PTPRD: variants seen among roughly 807,000 people sequenced by gnomAD.
The protein encoded by PTPRD is protein tyrosine phosphatase receptor type D, also known as receptor-type tyrosine-protein phosphatase delta.
In PTPRD, 34 loss-of-function variants were observed where a neutral mutation model predicts 214.5. The observed-to-expected ratio is 0.16, with a 90% confidence interval of 0.12 to 0.21. PTPRD has a LOEUF of 0.21. Among genes scored for constraint, PTPRD ranks in the 10% least tolerant of loss-of-function variants. PTPRD has a pLI of 1.00. For synonymous variants in PTPRD, 1,128 were observed against 845.7 expected (o/e 1.33, Z -5.79); for missense variants, 2,545 against 2,398.7 (o/e 1.06, Z -1.27).
At chr9:8,858,798 C>CAT (rs751552884) in intron 11 of PTPRD, among the ~76,000 whole-genome samples, 39 of 94,564 alleles carry the variant, frequency 4.1e-4, no homozygotes, top group African/African-American at 1.9e-3. Context: ...AAGGAGGCAA[C>CAT]ACACACACAC....
At chr9:9,485,460 T>C (rs922568382) in intron 8 of PTPRD, among the ~76,000 whole-genome samples, 3 of 152,212 alleles carry the variant, frequency 2.0e-5, no homozygotes. Context: ...CTTTGCTTAG[T>C]GCATAGCTCA....
intron 3 of PTPRD, among the ~76,000 whole-genome samples, chr9:10,097,660 G>C (rs1033340505): frequency 2.6e-5 from 4 of 151,668 alleles, no homozygotes; most frequent in African/African-American, 9.7e-5. Context: ...GGGTTTTCTA[G>C]ATATACAATC....
chr9:8,766,303 A>T (rs956923112), intron 11 of PTPRD, among the ~76,000 whole-genome samples: 2 of 151,864 alleles, frequency 1.3e-5, no homozygotes, highest in African/African-American at 2.4e-5. Context: ...CACATCCTAA[A>T]CATGTGCACT....
At chr9:10,370,639 C>G (rs1396919907) in intron 2 of PTPRD, among the ~76,000 whole-genome samples, 2 of 152,018 alleles carry the variant, frequency 1.3e-5, no homozygotes, top group East Asian at 3.9e-4. Flanking sequence ...GAATATTTTA[C>G]TCATCTAAAT....
At chr9:9,376,808 A>C (rs2060923756) in intron 9 of PTPRD, among the ~76,000 whole-genome samples, 1 of 152,136 alleles carries the variant, frequency 6.6e-6, no homozygotes, top group Non-Finnish European at 1.5e-5. Flanking sequence ...GGCGGGATCC[A>C]ATGAAACACC....
chr9:9,082,109 T>C (rs529481057), intron 10 of PTPRD, among the ~76,000 whole-genome samples: 1 of 152,194 alleles, frequency 6.6e-6, no homozygotes, highest in East Asian at 1.9e-4. Context: ...TAACTCATTT[T>C]ATGAGGCCAG....
intron 3 of PTPRD, among the ~76,000 whole-genome samples, chr9:10,307,159 G>A (rs1408687021): frequency 6.6e-6 from 1 of 151,710 alleles, no homozygotes; most frequent in African/African-American, 2.4e-5. Flanking sequence ...ATAAACATGA[G>A]CACTTATTCC....
chr9:9,300,984 C>G (rs985768223), intron 9 of PTPRD, among the ~76,000 whole-genome samples: 1 of 151,716 alleles, frequency 6.6e-6, no homozygotes, highest in African/African-American at 2.4e-5. Flanking sequence ...TGTGAACTCA[C>G]CAAAGCACCA....
chr9:10,532,587 T>C (rs2056676709), intron 2 of PTPRD, among the ~76,000 whole-genome samples: 1 of 147,760 alleles, frequency 6.8e-6, no homozygotes, highest in Admixed American at 6.8e-5. Context: ...TATATATATT[T>C]ATATAATATA....
chr9:8,912,025 G>C (rs748690388), intron 11 of PTPRD, among the ~76,000 whole-genome samples: 4 of 152,174 alleles, frequency 2.6e-5, no homozygotes, highest in Admixed American at 1.3e-4. Context: ...TAAGGATGTG[G>C]AGAGAGTGGA....
intron 11 of PTPRD, among the ~76,000 whole-genome samples, chr9:8,844,396 A>C (rs2097643694): frequency 6.6e-6 from 1 of 152,232 alleles, no homozygotes; most frequent in Non-Finnish European, 1.5e-5. Context: ...AAAAATTGTT[A>C]ATCACATTTA....
chr9:8,460,307 G>C, intron 33 of PTPRD, 104 bp downstream of exon 33: 2 of 1,315,802 alleles, frequency 1.5e-6, no homozygotes, highest in Non-Finnish European at 2.2e-6. Flanking sequence ...TGGCACTGAA[G>C]TATTTCTACT....
intron 9 of PTPRD, among the ~76,000 whole-genome samples, chr9:9,258,396 G>C (rs968431754): frequency 6.6e-6 from 1 of 151,390 alleles, no homozygotes; most frequent in African/African-American, 2.4e-5. Context: ...GTTCTGGTTA[G>C]TTTTTCATTT....
rs36024907 is a variant in PTPRD at position 9,824,183 on chromosome 9, C to CA, written c.-367-57333dup. Among the ~76,000 whole-genome samples the CA allele has an allele frequency of 1.5e-3, 221 of 150,298 alleles. 1 individual carries two copies. The highest frequency in any genetic ancestry group is 0.01 in the Middle Eastern group (3 of 288). On this transcript the variant is annotated intron_variant, in intron 5 of 45. Coordinates refer to ENST00000381196, the MANE Select transcript of PTPRD (RefSeq NM_002839.4). ...ATCTCATTATGTATTTGCAAGTTAT[C>CA]AAAAAAAAAATTCAGAAATCCAAAA...
Position 8,454,739 on chromosome 9 carries a change from G to A in PTPRD, c.3876-4902C>T. 6 of 830,648 alleles carry A rather than the reference G, an allele frequency of 7.2e-6. 1 individual carries two copies. The South Asian group carries it at 9.4e-5, about 13-fold the overall frequency. 51.5% of individuals were successfully genotyped at this position (830,648 alleles called of 1,614,324 possible). Reference sequence around the variant, plus strand: ...AACTGACATACATTCAGAAGCGACAGCGAATCAAAATATTTATAGACCTCT... The same window carrying A: ...AACTGACATACATTCAGAAGCGACAACGAATCAAAATATTTATAGACCTCT... On this transcript the variant is annotated intron_variant, in intron 33 of 45. Coordinates refer to ENST00000381196, the MANE Select transcript of PTPRD (RefSeq NM_002839.4).
At chr9:10,047,476 G>A (rs2097428038) in intron 3 of PTPRD, among the ~76,000 whole-genome samples, 3 of 151,888 alleles carry the variant, frequency 2.0e-5, no homozygotes, top group South Asian at 4.2e-4. Context: ...AAATTCTGAA[G>A]AGCAAATCAG....
chr9:10,357,718 C>G (rs1273296596), intron 2 of PTPRD, among the ~76,000 whole-genome samples: 2 of 152,164 alleles, frequency 1.3e-5, no homozygotes, highest in Non-Finnish European at 2.9e-5. Context: ...ATAGGCAGAG[C>G]AGCTGGAGAT....
At chr9:9,757,409 T>C (rs1314482248) in intron 6 of PTPRD, among the ~76,000 whole-genome samples, 1 of 152,164 alleles carries the variant, frequency 6.6e-6, no homozygotes, top group Non-Finnish European at 1.5e-5. Context: ...CATAAGCAAC[T>C]GAAAACACTA....
At chr9:9,477,870 G>C (rs577550802) in intron 8 of PTPRD, among the ~76,000 whole-genome samples, 97 of 152,062 alleles carry the variant, frequency 6.4e-4, no homozygotes, top group South Asian at 1.5e-3. Context: ...CTTAATCTTT[G>C]TTGATTCTCA....
Sources: gnomAD v4.1 joint callset for allele counts (sites outside exome capture counted in the v4.1 genomes callset) on GRCh38, gnomAD v4.1.1 for gene constraint, MANE v1.5 for transcripts, NCBI Gene and HGNC (gene_info 2026-07-23, HGNC 2026-07-21) for gene names.